Variants in AFG2A observed in about 807,000 individuals in gnomAD.
The protein encoded by AFG2A is AAA ATPase AFG2A.
chr4:123,250,314 A>G, the AFG2A span, among the ~76,000 whole-genome samples: 113 of 152,314 alleles, frequency 7.4e-4, 2 homozygotes, highest in East Asian at 0.019. Flanking sequence ...CTTGATATAA[A>G]GGTCAGAAGA....
At chr4:122,940,160 C>G in the AFG2A span, among the ~76,000 whole-genome samples, 2 of 152,084 alleles carry the variant, frequency 1.3e-5, no homozygotes, top group African/African-American at 2.4e-5. Context: ...AATGGGATGG[C>G]TGGGTCAAAT....
At chr4:122,962,521 A>AC in the AFG2A span, among the ~76,000 whole-genome samples, 1 of 152,154 alleles carries the variant, frequency 6.6e-6, no homozygotes, top group Admixed American at 6.6e-5. Context: ...GATGACTGGA[A>AC]CTGAATGGTT....
chr4:122,960,905 A>G, the AFG2A span, among the ~76,000 whole-genome samples: 2 of 152,132 alleles, frequency 1.3e-5, no homozygotes, highest in African/African-American at 4.8e-5. Flanking sequence ...TATTTTTTCA[A>G]TTCTGTCAAC....
chr4:122,951,768 A>G, the AFG2A span, among the ~76,000 whole-genome samples: 1 of 152,196 alleles, frequency 6.6e-6, no homozygotes, highest in African/African-American at 2.4e-5. Flanking sequence ...TGCCTGCTCA[A>G]GTGCAAGGAT....
the AFG2A span, among the ~76,000 whole-genome samples, chr4:123,265,822 C>T: frequency 6.6e-6 from 1 of 152,036 alleles, no homozygotes; most frequent in Non-Finnish European, 1.5e-5. Flanking sequence ...ATTACTCAAG[C>T]CAATGATAAT....
the AFG2A span, among the ~76,000 whole-genome samples, chr4:123,010,992 G>A: frequency 1.3e-5 from 2 of 152,142 alleles, no homozygotes; most frequent in African/African-American, 4.8e-5. Context: ...CATTAAGACT[G>A]TGTTTTAAGG....
At chr4:123,224,325 A>AGC in the AFG2A span, among the ~76,000 whole-genome samples, 1 of 151,972 alleles carries the variant, frequency 6.6e-6, no homozygotes, top group African/African-American at 2.4e-5. Context: ...CTCGTCATTT[A>AGC]ATTTAGGTAT....
the AFG2A span, among the ~76,000 whole-genome samples, chr4:122,968,410 T>C: frequency 5.9e-5 from 9 of 152,212 alleles, no homozygotes; most frequent in Non-Finnish European, 1.3e-4. Context: ...CATTACTAGC[T>C]TCCTGGTACC....
the AFG2A span, among the ~76,000 whole-genome samples, chr4:123,113,740 G>A: frequency 7.2e-5 from 11 of 152,298 alleles, no homozygotes; most frequent in South Asian, 6.2e-4. Context: ...GGCCAGTGGC[G>A]CCTTTGCCTG....
chr4:123,254,982 T>TA, the AFG2A span, among the ~76,000 whole-genome samples: 2 of 152,166 alleles, frequency 1.3e-5, no homozygotes, highest in Non-Finnish European at 2.9e-5. Flanking sequence ...TTTTTTTTTT[T>TA]AAATGGAGTC....
chr4:123,183,934 A>ATTCT, the AFG2A span, among the ~76,000 whole-genome samples: 1 of 26,186 alleles, frequency 3.8e-5, no homozygotes, highest in Non-Finnish European at 2.1e-4. Flanking sequence ...TTGCTTATTT[A>ATTCT]TTCATTCATT....
At chr4:123,162,025 GA>G in the AFG2A span, among the ~76,000 whole-genome samples, 3 of 151,290 alleles carry the variant, frequency 2.0e-5, no homozygotes, top group South Asian at 2.1e-4. Flanking sequence ...ATCAGCTGGG[GA>G]AAAAAAAGAC....
chr4:123,013,741 C>G, the AFG2A span, among the ~76,000 whole-genome samples: 2 of 152,298 alleles, frequency 1.3e-5, no homozygotes, highest in East Asian at 3.9e-4. Context: ...GCTTGTCCCT[C>G]TGTCACTTTT....
the AFG2A span, among the ~76,000 whole-genome samples, chr4:123,173,343 T>G: frequency 1.1e-4 from 1 of 9,316 alleles, no homozygotes; most frequent in African/African-American, 1.5e-4. Context: ...TCCAATGGTT[T>G]TTTTTTTTTT....
chr4:123,053,714 T>C, the AFG2A span, among the ~76,000 whole-genome samples: 1 of 152,134 alleles, frequency 6.6e-6, no homozygotes, highest in African/African-American at 2.4e-5. Context: ...CAGGAGGGGC[T>C]GGAGCTAAGA....
chr4:123,183,929 TATTTATTC>T, the AFG2A span, among the ~76,000 whole-genome samples: 1,514 of 113,960 alleles, frequency 0.013, 38 homozygotes, highest in African/African-American at 0.065. Flanking sequence ...CCAGCTTGCT[TATTTATTC>T]ATTCATTCAT....
At chr4:123,011,187 G>A in the AFG2A span, among the ~76,000 whole-genome samples, 1 of 152,178 alleles carries the variant, frequency 6.6e-6, no homozygotes, top group Non-Finnish European at 1.5e-5. Flanking sequence ...AATCTGAACT[G>A]CTTTTAAAGT....
chr4:123,030,784 TG>T, the AFG2A span, among the ~76,000 whole-genome samples: 1 of 152,170 alleles, frequency 6.6e-6, no homozygotes, highest in Non-Finnish European at 1.5e-5. Context: ...TGAATTTTTT[TG>T]CATTTTGAAA....
At chr4:123,069,960 G>T in the AFG2A span, among the ~76,000 whole-genome samples, 2 of 152,152 alleles carry the variant, frequency 1.3e-5, no homozygotes, top group Non-Finnish European at 2.9e-5. Context: ...CAGAGGAGCA[G>T]TTCTGATCTT....
Sources: allele counts gnomAD v4.1 joint callset (sites outside exome capture counted in the v4.1 genomes callset), GRCh38; gene constraint gnomAD v4.1.1; transcripts MANE v1.5; gene names NCBI Gene and HGNC (gene_info 2026-07-23, HGNC 2026-07-21).